Variants in PHTF2 observed in about 807,000 individuals in gnomAD.
The protein encoded by PHTF2 is putative homeodomain transcription factor 2, also known as protein PHTF2.
In PHTF2, 60 loss-of-function variants were observed where a neutral mutation model predicts 101.2. The ratio of observed to expected loss-of-function variants is 0.59; its 90% CI spans 0.48 to 0.73. The LOEUF (loss-of-function observed/expected upper bound fraction) is 0.73. PHTF2 is among the 30% of genes least tolerant of loss of function. The probability of loss-of-function intolerance (pLI) is 0.00; values close to 1 mark genes in which losing one functional copy is unlikely to be tolerated. For synonymous variants in PHTF2, 311 were observed against 307.3 expected (o/e 1.01, Z -0.13); for missense variants, 747 against 908.7 (o/e 0.82, Z 2.29).
intron 1 of PHTF2, among the ~76,000 whole-genome samples, chr7:77,811,923 A>G (rs537365777): frequency 1.4e-3 from 209 of 152,306 alleles, no homozygotes; most frequent in African/African-American, 4.9e-3. Context: ...TTATTTTCAG[A>G]AAGAATATTA....
intron 1 of PHTF2, among the ~76,000 whole-genome samples, chr7:77,810,824 C>A (rs745512359): frequency 1.3e-5 from 2 of 152,066 alleles, no homozygotes; most frequent in Non-Finnish European, 2.9e-5. Context: ...AGGCATGAGC[C>A]ACCCCACCCA....
At chr7:77,824,834 G>T (rs1394266188) in intron 1 of PHTF2, among the ~76,000 whole-genome samples, 5 of 151,498 alleles carry the variant, frequency 3.3e-5, no homozygotes, top group Admixed American at 1.3e-4. Flanking sequence ...GGAGTTCAAG[G>T]CCAGCCTGGA....
chr7:77,941,368 A>G (rs1245069508), intron 15 of PHTF2, among the ~76,000 whole-genome samples: 1 of 151,882 alleles, frequency 6.6e-6, no homozygotes. Context: ...TGGCATGGAT[A>G]TTTTTTTCCT....
intron 5 of PHTF2, among the ~76,000 whole-genome samples, chr7:77,896,609 T>C (rs1800898001): frequency 6.6e-6 from 1 of 152,202 alleles, no homozygotes; most frequent in African/African-American, 2.4e-5. Context: ...ACTCTTGTTA[T>C]TTTTAATTAA....
exon 20 of PHTF2, chr7:77,954,910 TC>T: frequency 7.5e-7 from 1 of 1,331,916 alleles, no homozygotes; most frequent in Non-Finnish European, 1.1e-6. Context: ...TAGCCTCTTT[TC>T]CAGAATAAGA....
intron 7 of PHTF2, among the ~76,000 whole-genome samples, chr7:77,902,234 A>G (rs1381707324): frequency 2.6e-5 from 4 of 152,136 alleles, no homozygotes; most frequent in Non-Finnish European, 5.9e-5. Context: ...TAAAAATACA[A>G]CCTATACAAG....
At chr7:77,915,039 G>A (rs981481103) in intron 9 of PHTF2, among the ~76,000 whole-genome samples, 2 of 151,050 alleles carry the variant, frequency 1.3e-5, no homozygotes, top group East Asian at 3.9e-4. Flanking sequence ...AGCCTCCCGA[G>A]TAGCTGGGAC....
chr7:77,831,787 C>T (rs1454397790), intron 1 of PHTF2, among the ~76,000 whole-genome samples: 4 of 151,982 alleles, frequency 2.6e-5, no homozygotes, highest in African/African-American at 7.3e-5. Flanking sequence ...TGCGAGTCTA[C>T]GCACTGTGTC....
At chr7:77,859,390 G>A (rs1446052442) in intron 3 of PHTF2, among the ~76,000 whole-genome samples, 4 of 151,974 alleles carry the variant, frequency 2.6e-5, no homozygotes, top group Admixed American at 2.0e-4. Context: ...TAGCTGTATC[G>A]TAGACCACCA....
chr7:77,846,565 TCGCC>T (rs1796304495), intron 2 of PHTF2, among the ~76,000 whole-genome samples: 1 of 15,750 alleles, frequency 6.3e-5, no homozygotes, highest in Non-Finnish European at 1.3e-4. Flanking sequence ...TCCCCTCCCC[TCGCC>T]TCCCCTCGCC....
intron 1 of PHTF2, among the ~76,000 whole-genome samples, chr7:77,814,387 A>G (rs1793680009): frequency 6.6e-6 from 1 of 152,202 alleles, no homozygotes; most frequent in African/African-American, 2.4e-5. Flanking sequence ...TGAACTCACA[A>G]CCAACAGCAC....
chr7:77,914,816 G>C (rs1368879342), intron 9 of PHTF2, among the ~76,000 whole-genome samples: 2 of 152,160 alleles, frequency 1.3e-5, no homozygotes, highest in African/African-American at 4.8e-5. Context: ...TCCTTGGTTT[G>C]TGCTAGAGTT....
At chr7:77,813,795 T>G (rs17158296) in intron 1 of PHTF2, among the ~76,000 whole-genome samples, 2,090 of 152,238 alleles carry the variant, frequency 0.014, 51 homozygotes, top group African/African-American at 0.047. Flanking sequence ...TACAGAAAAT[T>G]TCTTCAGATT....
chr7:77,823,396 T>G (rs1794462752), intron 1 of PHTF2, among the ~76,000 whole-genome samples: 1 of 151,798 alleles, frequency 6.6e-6, no homozygotes. Context: ...AATTTTTGTA[T>G]TTTTAGTAGA....
intron 2 of PHTF2, among the ~76,000 whole-genome samples, chr7:77,850,360 CAAAAAAAAAAAAAA>C (rs71082789): frequency 4.5e-5 from 2 of 44,376 alleles, no homozygotes; most frequent in African/African-American, 1.7e-4. Flanking sequence ...GACCTTGTCT[CAAAAAAAAAAAAAA>C]AAAAAAAAAA....
At chr7:77,874,287 C>T (rs1220196127) in intron 3 of PHTF2, among the ~76,000 whole-genome samples, 22 of 152,124 alleles carry the variant, frequency 1.4e-4, no homozygotes, top group Admixed American at 1.4e-3. Context: ...ACTCCAGAAA[C>T]CCCAAAACCA....
exon 14 of PHTF2, chr7:77,940,250 T>G: frequency 6.2e-7 from 1 of 1,613,682 alleles, no homozygotes; most frequent in Non-Finnish European, 8.5e-7. Flanking sequence ...CGCGTGTCTC[T>G]TGTGTGGATT....
intron 5 of PHTF2, chr7:77,895,216 A>G (rs1800774205): frequency 2.2e-6 from 1 of 450,784 alleles, no homozygotes; most frequent in Non-Finnish European, 4.4e-6. Context: ...TATGTGATAC[A>G]TACATACATA....
intron 2 of PHTF2, among the ~76,000 whole-genome samples, chr7:77,845,573 T>C (rs980856066): frequency 6.6e-6 from 1 of 152,216 alleles, no homozygotes; most frequent in African/African-American, 2.4e-5. Flanking sequence ...CTGCTATCAA[T>C]TGTAAATAGT....
Sources: gnomAD v4.1 joint callset for allele counts (sites outside exome capture counted in the v4.1 genomes callset) on GRCh38, gnomAD v4.1.1 for gene constraint, MANE v1.5 for transcripts, NCBI Gene and HGNC (gene_info 2026-07-23, HGNC 2026-07-21) for gene names.